Variants in KDM4C observed in about 807,000 individuals in gnomAD.
KDM4C encodes the protein lysine-specific demethylase 4C.
In KDM4C, 81 loss-of-function variants were observed where a neutral mutation model predicts 129.3. That is an observed-to-expected ratio of 0.63 (90% CI 0.52 to 0.75). KDM4C has a LOEUF of 0.75. KDM4C is among the 30% of genes least tolerant of loss of function. The probability of loss-of-function intolerance (pLI) is 0.00; values close to 1 mark genes in which losing one functional copy is unlikely to be tolerated. For missense variants in KDM4C, 1,457 were observed against 1,304.0 expected (o/e 1.12, Z -1.81); for synonymous variants, 573 against 456.1 (o/e 1.26, Z -3.26).
At chr9:6,947,484 T>G (rs7046665) in intron 8 of KDM4C, among the ~76,000 whole-genome samples, 56,325 of 151,942 alleles carry the variant, frequency 0.37, 11,108 homozygotes, top group East Asian at 0.71. Context: ...CTTATTGTCT[T>G]TATTCAGCAT....
At chr9:7,110,110 C>G (rs1838151514) in intron 18 of KDM4C, among the ~76,000 whole-genome samples, 1 of 152,164 alleles carries the variant, frequency 6.6e-6, no homozygotes, top group South Asian at 2.1e-4. Flanking sequence ...TGGACTAATC[C>G]ACACTTCTAG....
intron 15 of KDM4C, among the ~76,000 whole-genome samples, chr9:7,020,249 T>G (rs1291288257): frequency 6.6e-6 from 1 of 152,208 alleles, no homozygotes; most frequent in Non-Finnish European, 1.5e-5. Context: ...ATGCCCAACT[T>G]CAACTGAAAT....
At chr9:6,768,982 A>G (rs1821207934) in intron 1 of KDM4C, among the ~76,000 whole-genome samples, 1 of 152,092 alleles carries the variant, frequency 6.6e-6, no homozygotes, top group Non-Finnish European at 1.5e-5. Context: ...CATGTTGGCC[A>G]GGCTGGTCTC....
At chr9:6,884,172 G>A (rs1471500896) in intron 6 of KDM4C, among the ~76,000 whole-genome samples, 4 of 152,116 alleles carry the variant, frequency 2.6e-5, no homozygotes, top group African/African-American at 9.7e-5. Context: ...ATTATGGGAC[G>A]TTAGGGTCAA....
At chr9:6,734,900 T>G in intron 1 of KDM4C, 2 of 567,500 alleles carry the variant, frequency 3.5e-6, no homozygotes, top group Non-Finnish European at 7.0e-6. Flanking sequence ...TGGAAGGTAG[T>G]CCCCAGTCTG....
At chr9:6,878,371 T>A (rs1388098959) in intron 5 of KDM4C, among the ~76,000 whole-genome samples, 1 of 152,180 alleles carries the variant, frequency 6.6e-6, no homozygotes, top group East Asian at 1.9e-4. Flanking sequence ...GTCTTCCATC[T>A]AAAAGAAGAA....
At chr9:6,924,005 T>C (rs180835346) in intron 8 of KDM4C, among the ~76,000 whole-genome samples, 1 of 152,338 alleles carries the variant, frequency 6.6e-6, no homozygotes, top group African/African-American at 2.4e-5. Context: ...TGGTAAGTTT[T>C]TTGAACAGTT....
intron 15 of KDM4C, among the ~76,000 whole-genome samples, chr9:7,034,204 A>T (rs1827252643): frequency 6.6e-6 from 1 of 152,148 alleles, no homozygotes; most frequent in South Asian, 2.1e-4. Flanking sequence ...TCATTTCTTG[A>T]TGTTGGGAAC....
intron 15 of KDM4C, among the ~76,000 whole-genome samples, chr9:7,019,743 TAATA>T (rs1824394196): frequency 1.6e-5 from 2 of 124,896 alleles, no homozygotes; most frequent in Non-Finnish European, 3.4e-5. Context: ...TATAAAAATA[TAATA>T]TTTTTATATA....
chr9:6,889,251 G>GT (rs61683546), intron 7 of KDM4C, among the ~76,000 whole-genome samples: 4,981 of 137,434 alleles, frequency 0.036, 289 homozygotes, highest in East Asian at 0.12. Context: ...GTGTGTGTGT[G>GT]GGAGGGTGGG....
chr9:6,735,294 C>G (rs947053617), intron 1 of KDM4C, among the ~76,000 whole-genome samples: 3 of 152,184 alleles, frequency 2.0e-5, no homozygotes, highest in African/African-American at 7.2e-5. Context: ...GCGCTGGCAT[C>G]TTTGCCAATC....
intron 11 of KDM4C, among the ~76,000 whole-genome samples, chr9:6,990,075 G>C (rs1818452844): frequency 6.6e-6 from 1 of 152,066 alleles, no homozygotes; most frequent in African/African-American, 2.4e-5. Flanking sequence ...ACTGTGCCTG[G>C]CCTATAATCC....
At chr9:7,086,691 C>G (rs1055162209) in intron 17 of KDM4C, among the ~76,000 whole-genome samples, 4 of 152,210 alleles carry the variant, frequency 2.6e-5, no homozygotes, top group African/African-American at 9.7e-5. Context: ...CCAGCAGATT[C>G]CTGAGATCAT....
intron 12 of KDM4C, among the ~76,000 whole-genome samples, chr9:7,007,657 T>TG (rs1821924205): frequency 6.6e-6 from 1 of 152,186 alleles, no homozygotes. Context: ...TATATGGCAG[T>TG]GGTTCTCAGT....
chr9:7,013,418 C>A (rs568370701), intron 13 of KDM4C, among the ~76,000 whole-genome samples: 2 of 152,132 alleles, frequency 1.3e-5, no homozygotes, highest in Admixed American at 1.3e-4. Flanking sequence ...TTTGTACACT[C>A]CTTCAAGTGT....
chr9:7,034,030 T>C (rs944436320), intron 15 of KDM4C, among the ~76,000 whole-genome samples: 2 of 150,904 alleles, frequency 1.3e-5, no homozygotes, highest in Non-Finnish European at 3.0e-5. Context: ...TTGGTGGTGG[T>C]GGTGGGGCAT....
At chr9:6,867,594 C>G (rs1029675607) in intron 5 of KDM4C, among the ~76,000 whole-genome samples, 1 of 152,176 alleles carries the variant, frequency 6.6e-6, no homozygotes, top group Non-Finnish European at 1.5e-5. Context: ...AGAATCTTCT[C>G]GAAATGGCAT....
At chr9:6,826,546 A>T (rs538179121) in intron 4 of KDM4C, among the ~76,000 whole-genome samples, 33 of 152,192 alleles carry the variant, frequency 2.2e-4, no homozygotes, top group South Asian at 6.2e-4. Flanking sequence ...ATGATGATAG[A>T]TGTTCTTCAA....
At chr9:7,091,578 T>TA (rs1291943194) in intron 17 of KDM4C, among the ~76,000 whole-genome samples, 3 of 152,030 alleles carry the variant, frequency 2.0e-5, no homozygotes, top group Non-Finnish European at 4.4e-5. Flanking sequence ...AATGTATTTA[T>TA]AAAAAAATAA....
Sources: gnomAD v4.1 joint callset for allele counts (sites outside exome capture counted in the v4.1 genomes callset) on GRCh38, gnomAD v4.1.1 for gene constraint, MANE v1.5 for transcripts, NCBI Gene and HGNC (gene_info 2026-07-23, HGNC 2026-07-21) for gene names.